The following CSRP2 variants were observed in gnomAD, a reference collection of about 807,000 sequenced individuals.
CSRP2 encodes the protein cysteine and glycine rich protein 2.
A neutral mutation model predicts 24.6 loss-of-function variants in CSRP2; 18 were observed. The ratio of observed to expected loss-of-function variants is 0.73; its 90% CI spans 0.51 to 1.09. The LOEUF (loss-of-function observed/expected upper bound fraction) is 1.09, where lower values mean the gene tolerates loss of function less well. Ranked by LOEUF, CSRP2 falls within the 50% of genes least tolerant of loss-of-function variation. The pLI, the probability that CSRP2 is intolerant of heterozygous loss-of-function variation, is 0.00. For missense variants in CSRP2, 215 were observed against 239.4 expected, an observed-to-expected ratio of 0.90 and a Z score of 0.67; for synonymous variants, 87 against 84.3, an observed-to-expected ratio of 1.03 and a Z score of -0.18.
At chr12:76,866,330 G>T in intron 1 of CSRP2, 69 bp from the exon 2 acceptor site, 1 of 1,209,344 alleles carries the variant, frequency 8.3e-7, no homozygotes, top group Non-Finnish European at 1.2e-6. Flanking sequence ...GGCTATTTAA[G>T]CCCAGGGACA....
At chr12:76,868,686 C>T (rs1023630931) in intron 1 of CSRP2, among the ~76,000 whole-genome samples, 3 of 152,122 alleles carry the variant, frequency 2.0e-5, no homozygotes, top group South Asian at 2.1e-4. Flanking sequence ...TGGCTCAAGC[C>T]TGTGATCCCA....
intron 1 of CSRP2, among the ~76,000 whole-genome samples, chr12:76,869,977 C>T (rs1953780973): frequency 6.6e-6 from 1 of 152,184 alleles, no homozygotes; most frequent in African/African-American, 2.4e-5. Flanking sequence ...ATGCAACAGA[C>T]ATCTGCTGGA....
chr12:76,873,413 T>A (rs1052920677), intron 1 of CSRP2, among the ~76,000 whole-genome samples: 1 of 152,192 alleles, frequency 6.6e-6, no homozygotes, highest in East Asian at 1.9e-4. Context: ...TTACCCCAAC[T>A]ACCCACTTAG....
rs746725152 is a variant in CSRP2, at chr12:76,860,292, C to G, written c.403G>C (p.Ala135Pro). Residue 135 changes from alanine to proline, a missense_variant, in exon 4 of 6, where the codon GCT (alanine) becomes CCT (proline). Ala to Pro is a conservative substitution (Grantham distance 27). Transcript: ENST00000311083. ...TCCAAATAGCACTTTACCTTTCCAG[C>G]TCCAATTATCTTCTCGGCAGCATAT... ...SVYAAEKIIG[A>P]GKPWHKNCFR... The G allele has an allele frequency of 1.2e-6, 2 of 1,613,788 alleles. No homozygotes were observed. Among genetic ancestry groups the G allele is most frequent in the Non-Finnish European group, 1.7e-6 (2 of 1,179,798 alleles).
At chr12:76,878,113 G>C (rs1427268621) in intron 1 of CSRP2, 2 of 151,278 alleles carry the variant, frequency 1.3e-5, no homozygotes, top group Non-Finnish European at 2.9e-5. Context: ...GCTTAGAAGG[G>C]GGAAAGGGAT....
intron 4 of CSRP2, among the ~76,000 whole-genome samples, chr12:76,859,883 G>A (rs183133834): frequency 6.6e-6 from 1 of 152,306 alleles, no homozygotes; most frequent in East Asian, 1.9e-4. Flanking sequence ...CCTTTAAAGA[G>A]ACCATCTTTT....
At position 76,859,581 on chromosome 12, in the gene CSRP2, A is replaced by G. The variant is rs1208133577; in HGVS notation, c.471T>C (p.Thr157=). The change falls in exon 5 of 6, where the codon ACT becomes ACC. Residue 157 remains threonine, a synonymous_variant. Coordinates refer to ENST00000311083, the MANE Select transcript of CSRP2 (RefSeq NM_001321.3). ...AGATTTCACCTTCTTTTTCAGTCAGAGTTGTTGATTCAAGACTCTTCCCAC... is the reference window on the plus strand; with the variant it reads ...AGATTTCACCTTCTTTTTCAGTCAGGGTTGTTGATTCAAGACTCTTCCCAC... ...AKCGKSLEST[T]LTEKEGEIYC... 5 of 1,613,408 alleles carry G rather than the reference A, an allele frequency of 3.1e-6. No homozygotes were observed. The highest frequency in any genetic ancestry group is 2.2e-5 in the South Asian group (2 of 91,036).
intron 2 of CSRP2, chr12:76,865,922 T>C: frequency 1.8e-6 from 1 of 542,816 alleles, no homozygotes; most frequent in Non-Finnish European, 3.3e-6. Flanking sequence ...AAGGCCAAAA[T>C]GGAGGCCAAA....
At chr12:76,868,777 C>A (rs920967754) in intron 1 of CSRP2, among the ~76,000 whole-genome samples, 1 of 151,862 alleles carries the variant, frequency 6.6e-6, no homozygotes, top group East Asian at 1.9e-4. Context: ...ACTAAAAATA[C>A]AAAAAATTAG....
chr12:76,869,577 C>CACACACAT, intron 1 of CSRP2, among the ~76,000 whole-genome samples: 1 of 147,760 alleles, frequency 6.8e-6, no homozygotes, highest in African/African-American at 2.5e-5. Context: ...CACACACACA[C>CACACACAT]ACCCCTGACT....
chr12:76,878,097 G>A (rs914240591), intron 1 of CSRP2: 2 of 151,094 alleles, frequency 1.3e-5, no homozygotes, highest in Non-Finnish European at 3.0e-5. Context: ...TTTAACAAAT[G>A]TCCTGGCTTA....
At chr12:76,877,576 T>C (rs192253623) in intron 1 of CSRP2, among the ~76,000 whole-genome samples, 25 of 152,334 alleles carry the variant, frequency 1.6e-4, no homozygotes, top group Non-Finnish European at 3.1e-4. Context: ...GATGCAGGTC[T>C]GGTCTCAAAG....
chr12:76,867,082 C>T (rs1407748553), intron 1 of CSRP2, among the ~76,000 whole-genome samples: 1 of 152,120 alleles, frequency 6.6e-6, no homozygotes, highest in African/African-American at 2.4e-5. Flanking sequence ...ATAGTATGGC[C>T]TGCTGTAAAG....
chr12:76,862,081 C>G (rs995169952), intron 3 of CSRP2: 1 of 152,146 alleles, frequency 6.6e-6, no homozygotes, highest in Non-Finnish European at 1.5e-5. Context: ...GAGGATTACA[C>G]GAGTTAACAT....
intron 1 of CSRP2, among the ~76,000 whole-genome samples, chr12:76,868,722 G>A (rs1463927006): frequency 6.6e-6 from 1 of 152,138 alleles, no homozygotes; most frequent in Non-Finnish European, 1.5e-5. Context: ...GAGGCAGGCG[G>A]ATCATGAGGT....
chr12:76,872,888 C>T (rs552063268), intron 1 of CSRP2, among the ~76,000 whole-genome samples: 18 of 152,132 alleles, frequency 1.2e-4, no homozygotes, highest in Non-Finnish European at 1.9e-4. Flanking sequence ...TTATCTAAAC[C>T]GGCGGCAGGA....
At chr12:76,866,088 G>C (rs1482719985) in intron 2 of CSRP2, 61 bp downstream of exon 2, 10 of 1,262,144 alleles carry the variant, frequency 7.9e-6, no homozygotes. Flanking sequence ...TCCTTAAATA[G>C]ACATATTGAA....
chr12:76,877,229 C>T (rs890197767), intron 1 of CSRP2, among the ~76,000 whole-genome samples: 2 of 152,152 alleles, frequency 1.3e-5, no homozygotes, highest in Non-Finnish European at 2.9e-5. Flanking sequence ...TTATTGCTGT[C>T]CTCTACTCTA....
chr12:76,863,519 T>C, intron 2 of CSRP2, 175 bp from the exon 3 acceptor site: 2 of 549,688 alleles, frequency 3.6e-6, no homozygotes, highest in East Asian at 5.9e-5. Context: ...GCCAGCTACA[T>C]TCGAGGATTA....
Sources: gnomAD v4.1 joint callset for allele counts (sites outside exome capture counted in the v4.1 genomes callset) on GRCh38, gnomAD v4.1.1 for gene constraint, MANE v1.5 for transcripts, NCBI Gene and HGNC (gene_info 2026-07-23, HGNC 2026-07-21) for gene names.